Variants in DLGAP4 observed in about 807,000 individuals in gnomAD.
The protein encoded by DLGAP4 is DLG associated protein 4, also known as disks large-associated protein 4.
A neutral mutation model predicts 86.9 loss-of-function variants in DLGAP4; 18 were observed. The ratio of observed to expected loss-of-function variants is 0.21; its 90% CI spans 0.14 to 0.31. The LOEUF is 0.31. Ranked by LOEUF, DLGAP4 falls within the 10% of genes least tolerant of loss-of-function variation. The probability of loss-of-function intolerance (pLI) is 1.00; values close to 1 mark genes in which losing one functional copy is unlikely to be tolerated. For missense variants in DLGAP4, 1,085 were observed against 1,362.6 expected (o/e 0.80, Z 3.21); for synonymous variants, 548 against 574.3 (o/e 0.95, Z 0.65).
chr20:36,378,856 G>A (rs924925314), intron 2 of DLGAP4, among the ~76,000 whole-genome samples: 1 of 152,110 alleles, frequency 6.6e-6, no homozygotes, highest in Non-Finnish European at 1.5e-5. Context: ...AAAGTGGGTG[G>A]TGGGAAGGCG....
In DLGAP4 at chr20:36,446,851, G is replaced by A; in HGVS notation, c.1562G>A (p.Cys521Tyr). The A allele has an allele frequency of 6.2e-7, 1 of 1,613,112 alleles. No individual in the cohort carries two copies. The highest frequency in any genetic ancestry group is 2.2e-5 in the East Asian group (1 of 44,884). ...TACCTGCGTGCCATCCAGGCAGGCT[G>A]CTCGCAGGAGGAGGACAGTGTCTCC... ...HSYLRAIQAG[C>Y]SQEEDSVSLQ... is the part of the protein sequence containing the mutation. The change falls in exon 7 of 13, where the codon TGC (cysteine) becomes TAC (tyrosine). Residue 521 changes from cysteine to tyrosine, a missense_variant. Coordinates refer to ENST00000339266, the MANE Select transcript of DLGAP4 (RefSeq NM_001365621.2).
chr20:36,450,125 G>A (rs1712138899), intron 7 of DLGAP4, among the ~76,000 whole-genome samples: 2 of 152,140 alleles, frequency 1.3e-5, no homozygotes, highest in African/African-American at 4.8e-5. Context: ...CATAGACAAG[G>A]GATGGAGAAG....
chr20:36,463,779 A>C (rs1256791203), intron 7 of DLGAP4, among the ~76,000 whole-genome samples: 2 of 152,176 alleles, frequency 1.3e-5, no homozygotes, highest in Non-Finnish European at 2.9e-5. Flanking sequence ...AGGGGAACAA[A>C]GACCTCAGCC....
chr20:36,478,752 T>A (rs2035054615), intron 7 of DLGAP4, among the ~76,000 whole-genome samples: 1 of 152,194 alleles, frequency 6.6e-6, no homozygotes, highest in African/African-American at 2.4e-5. Flanking sequence ...TTGAAACCTG[T>A]AGGGTTTGTA....
rs185155163 is a variant in DLGAP4 at position 36,500,690 on chromosome 20, G to A, written c.2512+79G>A. ...TTTCAGCTGGTGGCCAGCAGCTTCC[G>A]AACTTCTGAGTGGGGGTCTCTTAGG... On this transcript the variant is annotated intron_variant, in intron 10 of 12. Transcript: ENST00000339266. This position sits in a 1 kb window ranked among gnomAD's most constrained non-coding sequence, Gnocchi z 4.6. 3.7e-5 allele frequency: 49 copies of A among 1,338,574 alleles called. No individual in the cohort carries two copies. Among genetic ancestry groups the A allele is most frequent in the South Asian group, 3.4e-4 (16 of 46,742 alleles). The allele number at this position is 1,338,574 out of a possible 1,614,324, so 82.9% of individuals were successfully genotyped here.
intron 2 of DLGAP4, among the ~76,000 whole-genome samples, chr20:36,416,028 C>T (rs1384510191): frequency 6.6e-6 from 1 of 152,234 alleles, no homozygotes; most frequent in East Asian, 1.9e-4. Flanking sequence ...ATGTCAGCCA[C>T]AGACCTGTCT....
chr20:36,459,105 G>A (rs899094335), intron 7 of DLGAP4, among the ~76,000 whole-genome samples: 2 of 152,178 alleles, frequency 1.3e-5, no homozygotes, highest in Non-Finnish European at 2.9e-5. Context: ...GGATTAGGGA[G>A]GGGGAGCATG....
At chr20:36,409,034 CTTTTTT>C (rs35210861) in intron 2 of DLGAP4, among the ~76,000 whole-genome samples, 9 of 111,180 alleles carry the variant, frequency 8.1e-5, no homozygotes, top group Admixed American at 7.5e-4. Context: ...AAATAAAAGG[CTTTTTT>C]TTTTTTTTTT....
chr20:36,453,887 C>T (rs2033806491), intron 7 of DLGAP4, among the ~76,000 whole-genome samples: 1 of 134,810 alleles, frequency 7.4e-6, no homozygotes, highest in Non-Finnish European at 1.5e-5. Flanking sequence ...GAGCCGGGAT[C>T]GTGCCATTGC....
chr20:36,320,479 G>C (rs561461394), intron 1 of DLGAP4, among the ~76,000 whole-genome samples: 50 of 152,242 alleles, frequency 3.3e-4, no homozygotes, highest in African/African-American at 1.2e-3. Flanking sequence ...GTGGCAGTGG[G>C]GCTGTGGGGC....
At chr20:36,396,589 GACAC>G (rs1449017257) in intron 2 of DLGAP4, among the ~76,000 whole-genome samples, 4 of 52,222 alleles carry the variant, frequency 7.7e-5, no homozygotes, top group African/African-American at 2.0e-4. Context: ...ACACACACCA[GACAC>G]ACACACGCAC....
intron 2 of DLGAP4, among the ~76,000 whole-genome samples, chr20:36,429,270 G>A (rs536680023): frequency 6.6e-6 from 1 of 151,634 alleles, no homozygotes; most frequent in Non-Finnish European, 1.5e-5. Context: ...TAGAGATGGG[G>A]TTTCACTACG....
chr20:36,510,450 A>G (rs2036627409), intron 10 of DLGAP4, among the ~76,000 whole-genome samples: 1 of 151,794 alleles, frequency 6.6e-6, no homozygotes, highest in Admixed American at 6.6e-5. Context: ...TTTTTAGTAG[A>G]AATGAGGTTT....
chr20:36,321,115 C>T (rs570966543), intron 1 of DLGAP4, among the ~76,000 whole-genome samples: 13 of 152,108 alleles, frequency 8.5e-5, no homozygotes, highest in Non-Finnish European at 1.5e-4. Context: ...CAGCAGGAAG[C>T]CCTAGGGCAA....
intron 2 of DLGAP4, among the ~76,000 whole-genome samples, chr20:36,387,636 A>T (rs2031643481): frequency 6.6e-6 from 1 of 152,106 alleles, no homozygotes; most frequent in Admixed American, 6.5e-5. Flanking sequence ...CTTTTGTTTC[A>T]TATTGAGATA....
chr20:36,517,318 C>T (rs2037104996), intron 10 of DLGAP4, among the ~76,000 whole-genome samples: 1 of 152,082 alleles, frequency 6.6e-6, no homozygotes, highest in Admixed American at 6.5e-5. Flanking sequence ...GTGGAGGTTG[C>T]AGTGAGCTGA....
chr20:36,456,751 G>T (rs2033888306), intron 7 of DLGAP4, among the ~76,000 whole-genome samples: 1 of 152,214 alleles, frequency 6.6e-6, no homozygotes, highest in Admixed American at 6.5e-5. Flanking sequence ...GGGGGAAATA[G>T]TGACCAGGAC....
rs2033164940 is a variant in DLGAP4, at chr20:36,432,793, G to T, written c.999+77G>T. On this transcript the variant is annotated intron_variant, in intron 3 of 12. Transcript: ENST00000339266. The surrounding 1 kb of genome is among the most constrained non-coding windows in gnomAD (Gnocchi z 6.5). ...AGTTTTGAGGCCTAGACGTACCACAGATTCACTTGGAAAGTCACTTCATTC... is the reference window on the plus strand; with the variant it reads ...AGTTTTGAGGCCTAGACGTACCACATATTCACTTGGAAAGTCACTTCATTC... The T allele has an allele frequency of 6.5e-7, 1 of 1,531,830 alleles. No individual in the cohort carries two copies. Among genetic ancestry groups the T allele is most frequent in the Non-Finnish European group, 8.8e-7 (1 of 1,130,966 alleles). 94.9% of individuals were successfully genotyped at this position (1,531,830 alleles called of 1,614,324 possible).
Position 36,365,308 on chromosome 20 carries a change from G to A in DLGAP4, c.-303-1737G>A, listed in dbSNP as rs373765388. The stretch of plus-strand genomic sequence containing the variant: ...TGAATTTGGCTAAAAGTGACAACTC[G>A]GTCAGGAACGCATCTTCTCAAACAC... On this transcript the variant is annotated intron_variant, in intron 1 of 12. Transcript: ENST00000339266. Among the ~76,000 whole-genome samples the A allele has an allele frequency of 4.0e-4, 61 of 152,302 alleles. 1 individual carries two copies. The South Asian group carries it at 0.01, about 26-fold the overall frequency.
Sources: allele counts gnomAD v4.1 joint callset (sites outside exome capture counted in the v4.1 genomes callset), GRCh38; gene constraint gnomAD v4.1.1; non-coding constraint Gnocchi (gnomAD v3.1); transcripts MANE v1.5; gene names NCBI Gene and HGNC (gene_info 2026-07-23, HGNC 2026-07-21).